The following CADM2 variants were observed in gnomAD, a reference collection of about 807,000 sequenced individuals.
The protein encoded by CADM2 is cell adhesion molecule 2.
CADM2 carries 12 observed loss-of-function variants against 49.8 expected under a neutral mutation model. The ratio of observed to expected loss-of-function variants is 0.24; its 90% CI spans 0.15 to 0.39. CADM2 has a LOEUF of 0.39. Among genes scored for constraint, CADM2 ranks in the 10% least tolerant of loss-of-function variants. The pLI is 1.00. For synonymous variants in CADM2, 214 were observed against 175.4 expected (o/e 1.22, Z -1.74); for missense variants, 378 against 492.3 (o/e 0.77, Z 2.20).
chr3:85,392,186 G>T (rs1347787999), intron 1 of CADM2, among the ~76,000 whole-genome samples: 1 of 152,012 alleles, frequency 6.6e-6, no homozygotes, highest in African/African-American at 2.4e-5. Context: ...GAGTTAGATT[G>T]CTAGAATCTT....
chr3:85,738,742 AAAAC>A (rs1286462393), intron 2 of CADM2, among the ~76,000 whole-genome samples: 3 of 152,210 alleles, frequency 2.0e-5, no homozygotes, highest in Non-Finnish European at 2.9e-5. Flanking sequence ...GAGATTTCTT[AAAAC>A]AAACAACCCA....
At chr3:84,972,095 G>A (rs1356402535) in intron 1 of CADM2, among the ~76,000 whole-genome samples, 1 of 152,200 alleles carries the variant, frequency 6.6e-6, no homozygotes, top group African/African-American at 2.4e-5. Flanking sequence ...TAGGAAGCAA[G>A]AGACCTAAGT....
chr3:85,111,443 T>G (rs538510300), intron 1 of CADM2, among the ~76,000 whole-genome samples: 1 of 152,064 alleles, frequency 6.6e-6, no homozygotes, highest in East Asian at 1.9e-4. Context: ...TGAGAGCTTT[T>G]AAGTATTTTG....
intron 3 of CADM2, among the ~76,000 whole-genome samples, chr3:85,811,874 T>G (rs74359601): frequency 1.1e-4 from 16 of 151,742 alleles, no homozygotes; most frequent in South Asian, 6.3e-4. Context: ...TTTTTTTTTT[T>G]TGTGATACTT....
intron 1 of CADM2, among the ~76,000 whole-genome samples, chr3:85,666,890 G>T (rs1445887786): frequency 2.6e-5 from 4 of 151,892 alleles, no homozygotes; most frequent in African/African-American, 9.7e-5. Flanking sequence ...CCAGTTAAGG[G>T]ATGTCATAGT....
chr3:85,194,928 G>A (rs979406646), intron 1 of CADM2, among the ~76,000 whole-genome samples: 4 of 151,878 alleles, frequency 2.6e-5, no homozygotes, highest in Admixed American at 2.6e-4. Context: ...AAAAAAAAAT[G>A]AACTCCTGGG....
At chr3:85,613,697 A>T (rs529807016) in intron 1 of CADM2, among the ~76,000 whole-genome samples, 1 of 151,772 alleles carries the variant, frequency 6.6e-6, no homozygotes, top group Non-Finnish European at 1.5e-5. Flanking sequence ...GTCAGAAAAT[A>T]TGAAATGGTA....
At chr3:85,896,010 G>T (rs879287476) in intron 5 of CADM2, among the ~76,000 whole-genome samples, 4 of 152,150 alleles carry the variant, frequency 2.6e-5, no homozygotes, top group Non-Finnish European at 5.9e-5. Flanking sequence ...TGAGGTTAAG[G>T]CTGGGCATGG....
At chr3:85,599,015 A>C (rs1868533) in intron 1 of CADM2, among the ~76,000 whole-genome samples, 1 of 151,768 alleles carries the variant, frequency 6.6e-6, no homozygotes, top group Non-Finnish European at 1.5e-5. Context: ...ACCCTTAAGA[A>C]TTATATTGAA....
chr3:85,810,532 GTTTTTTTTTTTT>G (rs71112120), intron 3 of CADM2, among the ~76,000 whole-genome samples: 36 of 87,180 alleles, frequency 4.1e-4, no homozygotes, highest in Non-Finnish European at 6.1e-4. Context: ...ATAGAATTCT[GTTTTTTTTTTTT>G]TTTTTTTTTT....
chr3:85,914,826 G>A (rs1456468581), intron 6 of CADM2, among the ~76,000 whole-genome samples: 1 of 152,180 alleles, frequency 6.6e-6, no homozygotes, highest in Non-Finnish European at 1.5e-5. Context: ...CTTCTGGATT[G>A]TGTGTTCTCA....
intron 2 of CADM2, among the ~76,000 whole-genome samples, chr3:85,745,911 A>G (rs2068600199): frequency 6.6e-6 from 1 of 151,486 alleles, no homozygotes; most frequent in African/African-American, 2.4e-5. Flanking sequence ...TCCATGGTCC[A>G]TTTATTTTTT....
chr3:85,505,881 A>G (rs1001084173), intron 1 of CADM2, among the ~76,000 whole-genome samples: 1 of 152,032 alleles, frequency 6.6e-6, no homozygotes, highest in Admixed American at 6.5e-5. Flanking sequence ...GCTTTCGGTT[A>G]TTGTTTTTGG....
At chr3:85,378,819 C>T (rs1298309423) in intron 1 of CADM2, among the ~76,000 whole-genome samples, 6 of 151,726 alleles carry the variant, frequency 4.0e-5, no homozygotes, top group Admixed American at 6.6e-5. Context: ...CAGAAATCAC[C>T]ATTAAAAAAC....
intron 3 of CADM2, 77 bp downstream of exon 3, chr3:85,802,273 G>T (rs2072095625): frequency 2.4e-6 from 3 of 1,270,332 alleles, no homozygotes; most frequent in Non-Finnish European, 3.2e-6. Flanking sequence ...TTTCTGAGAT[G>T]ATTCAAACTA....
intron 3 of CADM2, among the ~76,000 whole-genome samples, chr3:85,861,003 GA>G (rs1246494906): frequency 2.0e-4 from 30 of 152,292 alleles, no homozygotes; most frequent in Non-Finnish European, 4.0e-4. Context: ...TGAGGTCACA[GA>G]AGTGATGGGA....
chr3:85,155,927 A>C (rs1223869451), intron 1 of CADM2, among the ~76,000 whole-genome samples: 1 of 152,166 alleles, frequency 6.6e-6, no homozygotes, highest in African/African-American at 2.4e-5. Context: ...AATCTCTGGG[A>C]CGCATTCAAA....
chr3:85,302,447 C>T (rs997027055), intron 1 of CADM2, among the ~76,000 whole-genome samples: 1 of 151,956 alleles, frequency 6.6e-6, no homozygotes, highest in Admixed American at 6.6e-5. Context: ...ATGAACCATG[C>T]AGACATTAAG....
intron 3 of CADM2, among the ~76,000 whole-genome samples, 173 bp downstream of exon 3, chr3:85,802,369 G>T (rs1184464764): frequency 6.6e-6 from 1 of 152,056 alleles, no homozygotes; most frequent in Non-Finnish European, 1.5e-5. Context: ...AAACACCAAA[G>T]ATAACCTATG....
Sources: gnomAD v4.1 joint callset for allele counts (sites outside exome capture counted in the v4.1 genomes callset) on GRCh38, gnomAD v4.1.1 for gene constraint, MANE v1.5 for transcripts, NCBI Gene and HGNC (gene_info 2026-07-23, HGNC 2026-07-21) for gene names.